NIPAL2: variants seen among roughly 807,000 people sequenced by gnomAD.
The protein encoded by NIPAL2 is NIPA-like protein 2.
In NIPAL2, 43 loss-of-function variants were observed where a neutral mutation model predicts 48.9. That is an observed-to-expected ratio of 0.88 (90% CI 0.69 to 1.13). NIPAL2 has a LOEUF of 1.13. Among genes scored for constraint, NIPAL2 ranks in the 50% most tolerant of loss-of-function variants. The pLI is 0.00. For synonymous variants in NIPAL2, 167 were observed against 174.6 expected (o/e 0.96, Z 0.34); for missense variants, 446 against 461.4 (o/e 0.97, Z 0.31).
chr8:98,264,219 C>G lies in NIPAL2; in HGVS notation c.136-10132G>C, dbSNP rs1396820122. Among the ~76,000 whole-genome samples, 4 of 138,332 alleles carry G rather than the reference C, an allele frequency of 2.9e-5. No homozygotes were observed. In the Admixed American group the frequency reaches 3.0e-4, roughly 10 times the overall value. The allele number at this position is 138,332 out of a possible 152,430, so 90.8% of individuals were successfully genotyped here. A position where few individuals can be genotyped will look rare whatever the true frequency, so the allele number is the denominator to read the frequency against. ...GAAGCATTCCCTTTGAAAACTGGCA[C>G]AAGACAGGGATGCCCTCTCTCACCA... On this transcript the variant is annotated intron_variant, in intron 1 of 10. Transcript: ENST00000430223.
intron 8 of NIPAL2, among the ~76,000 whole-genome samples, chr8:98,197,081 C>CT (rs201448578): frequency 5.2e-4 from 73 of 140,918 alleles, no homozygotes; most frequent in East Asian, 2.1e-3. Flanking sequence ...TCTTTTTTCT[C>CT]TTTTTTTTTT....
intron 1 of NIPAL2, among the ~76,000 whole-genome samples, chr8:98,259,940 A>C (rs888215154): frequency 6.6e-6 from 1 of 152,196 alleles, no homozygotes; most frequent in African/African-American, 2.4e-5. Flanking sequence ...ATTCCAAAGC[A>C]CTCATTGATG....
At chr8:98,209,033 CT>C (rs1447831092) in intron 6 of NIPAL2, among the ~76,000 whole-genome samples, 1 of 152,154 alleles carries the variant, frequency 6.6e-6, no homozygotes, top group Non-Finnish European at 1.5e-5. Flanking sequence ...GAGAACGCTT[CT>C]GGTATTTCAC....
intron 1 of NIPAL2, among the ~76,000 whole-genome samples, chr8:98,265,313 G>A (rs1159383904): frequency 2.0e-5 from 3 of 149,386 alleles, no homozygotes; most frequent in Admixed American, 6.7e-5. Context: ...CTTCTGCACA[G>A]CAAAAGAAAC....
At chr8:98,203,251 G>A in intron 7 of NIPAL2, 55 bp from the exon 8 acceptor site, 2 of 1,259,294 alleles carry the variant, frequency 1.6e-6, no homozygotes, top group Non-Finnish European at 1.2e-6. Flanking sequence ...TCAGCAATAA[G>A]TTAACAATAA....
In NIPAL2 at chr8:98,260,516, C is replaced by G. The variant is rs530382006; in HGVS notation, c.136-6429G>C. ...CTTTCCGAGTCAAAGAAAGGGGTGA[C>G]GGACGGCACCTGGAAAATCGGGTCA... On this transcript the variant is annotated intron_variant, in intron 1 of 10. Transcript: ENST00000430223. Among the ~76,000 whole-genome samples, 4 of 152,144 alleles carry G rather than the reference C, an allele frequency of 2.6e-5. No homozygotes were observed. In the East Asian group the frequency reaches 7.7e-4, roughly 29 times the overall value.
chr8:98,215,357 T>C (rs1419125924), intron 5 of NIPAL2, among the ~76,000 whole-genome samples: 1 of 152,232 alleles, frequency 6.6e-6, no homozygotes. Context: ...AATGCTGATT[T>C]TTTTCTAGCA....
rs535974054 is a variant in NIPAL2 at position 98,285,004 on chromosome 8, A to T, written c.135+8999T>A. The stretch of plus-strand genomic sequence containing the variant: ...GAATTCCTTGGGGGTAAGGAGAGAT[A>T]TATTTAGAACTTGGAAATAGTCACT... On this transcript the variant is annotated intron_variant, in intron 1 of 10. Transcript: ENST00000430223. Among the ~76,000 whole-genome samples the T allele has an allele frequency of 6.6e-5, 10 of 152,310 alleles. No homozygotes were observed. In the East Asian group the frequency reaches 1.9e-3, roughly 29 times the overall value.
rs773855619 is a variant in NIPAL2, at chr8:98,205,189, A to G, written c.713T>C (p.Met238Thr). 1.9e-6 allele frequency: 3 copies of G among 1,613,508 alleles called. No individual in the cohort carries two copies. The highest frequency in any genetic ancestry group is 2.5e-6 in the Non-Finnish European group (3 of 1,179,606). ...AVSGMITFSV[M>T]DKMQLTYPIF... is the part of the protein sequence containing the mutation. ...GGGGTAAGTTAGTTGCATTTTATCC[A>G]TCACAGAAAAAGTGATCATGCCTGA... Residue 238 changes from methionine (M) to threonine (T), a missense_variant, in exon 7 of 11, where the codon ATG (methionine) becomes ACG (threonine). Coordinates refer to ENST00000430223, the MANE Select transcript of NIPAL2 (RefSeq NM_001321635.2).
chr8:98,266,074 T>G (rs1205009613), intron 1 of NIPAL2, among the ~76,000 whole-genome samples: 1 of 138,218 alleles, frequency 7.2e-6, no homozygotes, highest in Non-Finnish European at 1.5e-5. Context: ...TAGGTGGGAA[T>G]TGAACAATGA....
intron 3 of NIPAL2, among the ~76,000 whole-genome samples, chr8:98,242,976 G>T (rs1346170980): frequency 6.6e-6 from 1 of 152,140 alleles, no homozygotes; most frequent in Non-Finnish European, 1.5e-5. Context: ...AGTTTGAAAA[G>T]ATAACATGCC....
chr8:98,192,710 G>A lies in NIPAL2; in HGVS notation c.*268C>T, dbSNP rs569602641. On this transcript the variant is annotated 3_prime_UTR_variant, in exon 11 of 11. Transcript: ENST00000430223. The stretch of plus-strand genomic sequence containing the variant: ...GTGCAACATTCCTGCTAGAGCAGCC[G>A]GGCTCTGAGTAAGGTGTAGCTGGCT... 3.9e-5 allele frequency: 17 copies of A among 431,698 alleles called. No individual in the cohort carries two copies. The highest frequency in any genetic ancestry group is 6.2e-4 in the Middle Eastern group (1 of 1,606). 26.7% of individuals were successfully genotyped at this position (431,698 alleles called of 1,614,324 possible). A position where few individuals can be genotyped will look rare whatever the true frequency, so the allele number is the denominator to read the frequency against.
intron 1 of NIPAL2, among the ~76,000 whole-genome samples, chr8:98,273,935 C>T (rs1815302814): frequency 6.6e-6 from 1 of 152,042 alleles, no homozygotes. Context: ...TGATTTTCAT[C>T]TGAGCCTCCA....
At position 98,191,193 on chromosome 8, in the gene NIPAL2, C is replaced by G. The variant is rs375980697; in HGVS notation, c.*1785G>C. Reference sequence around the variant, plus strand: ...CACTCTAGCTATGAATGCAGGTCTACTTGAAGCAAAACTCTTCAATCTAAT... The same window carrying G: ...CACTCTAGCTATGAATGCAGGTCTAGTTGAAGCAAAACTCTTCAATCTAAT... On this transcript the variant is annotated 3_prime_UTR_variant, in exon 11 of 11. Transcript: ENST00000430223. 23 of 152,302 alleles carry G rather than the reference C, an allele frequency of 1.5e-4. No individual in the cohort carries two copies. Among genetic ancestry groups the G allele is most frequent in the African/African-American group, 5.1e-4 (21 of 41,562 alleles). The allele number at this position is 152,302 out of a possible 1,614,324, so 9.4% of individuals were successfully genotyped here.
chr8:98,233,693 C>T (rs887744074), intron 4 of NIPAL2, among the ~76,000 whole-genome samples: 18 of 152,080 alleles, frequency 1.2e-4, no homozygotes, highest in Non-Finnish European at 2.2e-4. Flanking sequence ...GTTGATCATG[C>T]GTTCTCTAAG....
At chr8:98,224,319 G>C (rs1314284679) in intron 4 of NIPAL2, among the ~76,000 whole-genome samples, 3 of 151,968 alleles carry the variant, frequency 2.0e-5, no homozygotes, top group Non-Finnish European at 4.4e-5. Context: ...ATGCATGTGT[G>C]TATAAGTGTA....
chr8:98,292,686 CA>C (rs1487159500), intron 1 of NIPAL2, among the ~76,000 whole-genome samples: 1 of 149,754 alleles, frequency 6.7e-6, no homozygotes, highest in Non-Finnish European at 1.5e-5. Flanking sequence ...ACTGTGAAAA[CA>C]ATGTCCTGTT....
chr8:98,239,955 C>A (rs1237337499), intron 3 of NIPAL2, among the ~76,000 whole-genome samples: 1 of 152,098 alleles, frequency 6.6e-6, no homozygotes, highest in Non-Finnish European at 1.5e-5. Context: ...GTCTATCAAG[C>A]CCAACACTTT....
chr8:98,203,314 G>T, intron 7 of NIPAL2, 118 bp from the exon 8 acceptor site: 1 of 738,790 alleles, frequency 1.4e-6, no homozygotes, highest in Non-Finnish European at 2.4e-6. Context: ...AGGAGGTGCA[G>T]TGAAAGGGCA....
Sources: gnomAD v4.1 joint callset for allele counts (sites outside exome capture counted in the v4.1 genomes callset) on GRCh38, gnomAD v4.1.1 for gene constraint, MANE v1.5 for transcripts, NCBI Gene and HGNC (gene_info 2026-07-23, HGNC 2026-07-21) for gene names.